DHX16: variants seen among roughly 807,000 people sequenced by gnomAD.
DHX16 encodes the protein pre-mRNA-splicing factor ATP-dependent RNA helicase DHX16.
DHX16 carries 81 observed loss-of-function variants against 131.2 expected under a neutral mutation model. The observed-to-expected ratio is 0.62, with a 90% confidence interval of 0.52 to 0.74. The LOEUF (loss-of-function observed/expected upper bound fraction) is 0.74, where lower values mean the gene tolerates loss of function less well. Ranked by LOEUF, DHX16 falls within the 30% of genes least tolerant of loss-of-function variation. DHX16 has a pLI of 0.00. For missense variants in DHX16, 980 were observed against 1,363.1 expected (o/e 0.72, Z 4.43); for synonymous variants, 440 against 520.2 (o/e 0.85, Z 2.10).
intron 4 of DHX16, among the ~76,000 whole-genome samples, chr6:30,669,230 T>G (rs1484784693): frequency 6.6e-6 from 1 of 152,078 alleles, no homozygotes; most frequent in Non-Finnish European, 1.5e-5. Context: ...AAGACCATCC[T>G]GGCCAACATG....
chr6:30,654,981 G>A (rs1767833030), intron 18 of DHX16, 102 bp from the exon 19 acceptor site: 2 of 1,428,722 alleles, frequency 1.4e-6, no homozygotes, highest in African/African-American at 1.4e-5. Context: ...AACTAGAGAG[G>A]TAAGGAATGC....
At chr6:30,663,993 C>T (rs1347061227) in intron 7 of DHX16, among the ~76,000 whole-genome samples, 1 of 151,850 alleles carries the variant, frequency 6.6e-6, no homozygotes, top group Admixed American at 6.6e-5. Context: ...CCACTGCACT[C>T]CAGCCTGGTG....
Position 30,656,806 on chromosome 6 carries a change from A to G in DHX16, c.2149-47T>C. 1 of 1,608,316 alleles carries G rather than the reference A, an allele frequency of 6.2e-7. No homozygotes were observed. Reference sequence around the variant, plus strand: ...CTGGCTGACAATTTGGTCAGGGAAAAGAAAAAGGCAGTATTTATGCAAGAA... The same window carrying G: ...CTGGCTGACAATTTGGTCAGGGAAAGGAAAAAGGCAGTATTTATGCAAGAA... On this transcript the variant is annotated intron_variant, in intron 13 of 19. Transcript: ENST00000376442. This position sits in a 1 kb window ranked among gnomAD's most constrained non-coding sequence, Gnocchi z 5.1.
In DHX16 at chr6:30,663,027, T is replaced by A. The variant is rs1262422559; in HGVS notation, c.1318-6A>T. On this transcript the variant is annotated splice_region_variant and splice_polypyrimidine_tract_variant and intron_variant, in intron 7 of 19. Coordinates refer to ENST00000376442, the MANE Select transcript of DHX16 (RefSeq NM_003587.5). ...ATACCCTTGTTTGTATAACCCTGAA[T>A]GACAAAGAAAAAAGAAGAAGTTTGC... 6.3e-7 allele frequency: 1 copy of A among 1,597,850 alleles called. No homozygotes were observed. The highest frequency in any genetic ancestry group is 1.8e-5 in the Admixed American group (1 of 55,898).
intron 9 of DHX16, chr6:30,661,719 C>CTA: frequency 1.4e-6 from 1 of 715,922 alleles, no homozygotes; most frequent in Non-Finnish European, 2.6e-6. Context: ...CCATCTTCCC[C>CTA]TACCCACCTC....
chr6:30,667,064 T>A (rs992349716), intron 4 of DHX16, among the ~76,000 whole-genome samples: 1 of 152,044 alleles, frequency 6.6e-6, no homozygotes, highest in Admixed American at 6.6e-5. Context: ...TAAAAATTCA[T>A]GAGTCCAATT....
chr6:30,667,230 A>G (rs1033508522), intron 4 of DHX16, among the ~76,000 whole-genome samples: 5 of 152,150 alleles, frequency 3.3e-5, no homozygotes, highest in Non-Finnish European at 5.9e-5. Context: ...GTTGAGGAAA[A>G]GCTCTTCTTT....
intron 1 of DHX16, 87 bp downstream of exon 1, chr6:30,672,548 G>A (rs551736965): frequency 8.1e-7 from 1 of 1,229,830 alleles, no homozygotes; most frequent in East Asian, 2.4e-5. Flanking sequence ...AAGTGCTTGT[G>A]AACTGAGCTT....
chr6:30,656,843 T>G lies in DHX16; in HGVS notation c.2149-84A>C. On this transcript the variant is annotated intron_variant, in intron 13 of 19. Transcript: ENST00000376442. The surrounding 1 kb of genome is among the most constrained non-coding windows in gnomAD (Gnocchi z 5.1). ...TATTTATGCAAGAAATCTGGAAGGA[T>G]GCAAACTGCTCATCCCGGTTCCCTA... 4 of 1,596,672 alleles carry G rather than the reference T, an allele frequency of 2.5e-6. No individual in the cohort carries two copies. In the Admixed American group the frequency reaches 6.8e-5, roughly 27 times the overall value.
Position 30,659,642 on chromosome 6 carries a change from A to G in DHX16, c.1855-18T>C, listed in dbSNP as rs926566903. 8 of 1,613,820 alleles carry G rather than the reference A, an allele frequency of 5.0e-6. No homozygotes were observed. Among genetic ancestry groups the G allele is most frequent in the Non-Finnish European group, 5.9e-6 (7 of 1,179,904 alleles). ...ATCTCCTCCTGGATAGAGGGTAGGG[A>G]GAGCAGCAGGGGTCCCAGAGTCACA... On this transcript the variant is annotated intron_variant, in intron 11 of 19. Coordinates refer to ENST00000376442, the MANE Select transcript of DHX16 (RefSeq NM_003587.5).
chr6:30,664,798 T>C lies in DHX16; in HGVS notation c.1317+3A>G, dbSNP rs1768855764. On this transcript the variant is annotated splice_donor_region_variant and intron_variant, in intron 7 of 19. Coordinates refer to ENST00000376442, the MANE Select transcript of DHX16 (RefSeq NM_003587.5). ...GGCAAGCTGAAGGGTGAGATGACTG[T>C]ACCTCCTCAAAGAGATACTGCGGGA... 1 of 1,609,638 alleles carries C rather than the reference T, an allele frequency of 6.2e-7. No homozygotes were observed. The highest frequency in any genetic ancestry group is 8.5e-7 in the Non-Finnish European group (1 of 1,177,152).
Position 30,655,290 on chromosome 6 carries a change from A to G in DHX16, c.2708T>C (p.Val903Ala), listed in dbSNP as rs1767876780. Reference protein sequence around the residue: ...YSSQWCYENFVQFRSMRRARD... With the variant: ...YSSQWCYENFAQFRSMRRARD... ...GGCTCGGCGCATCGATCTGAACTGTACAAAGTTCTCATAGCACCACTGGGA... is the reference window on the plus strand; with the variant it reads ...GGCTCGGCGCATCGATCTGAACTGTGCAAAGTTCTCATAGCACCACTGGGA... Residue 903 changes from valine (V) to alanine (A), a missense_variant, in exon 18 of 20, where the codon GTA (valine) becomes GCA (alanine). By Grantham distance (64) the Val-to-Ala change is moderately conservative. Coordinates refer to ENST00000376442, the MANE Select transcript of DHX16 (RefSeq NM_003587.5). 3.7e-6 allele frequency: 6 copies of G among 1,614,170 alleles called. No individual in the cohort carries two copies. The East Asian group carries it at 1.3e-4, about 36-fold the overall frequency.
Position 30,670,648 on chromosome 6 carries a change from G to C in DHX16, c.609+142C>G. The C allele has an allele frequency of 7.8e-7, 1 of 1,288,594 alleles. No individual in the cohort carries two copies. The highest frequency in any genetic ancestry group is 1.1e-6 in the Non-Finnish European group (1 of 924,034). 79.8% of individuals were successfully genotyped at this position (1,288,594 alleles called of 1,614,324 possible). On this transcript the variant is annotated intron_variant, in intron 3 of 19. Transcript: ENST00000376442. This position sits in a 1 kb window ranked among gnomAD's most constrained non-coding sequence, Gnocchi z 4.4. ...AGTTGTCTTAGCCACAGGATGCACA[G>C]GGCTTCTCTCACCACAGAGGTGAAC...
At chr6:30,653,663 T>G (rs932156624) in intron 19 of DHX16, among the ~76,000 whole-genome samples, 2 of 17,670 alleles carry the variant, frequency 1.1e-4, no homozygotes. Flanking sequence ...TGAGCCACTA[T>G]GCCCAGCCCC....
At position 30,664,820 on chromosome 6, in the gene DHX16, G is replaced by A. The variant is rs200865497; in HGVS notation, c.1298C>T (p.Pro433Leu). 6.8e-6 allele frequency: 11 copies of A among 1,612,742 alleles called. No homozygotes were observed. The highest frequency in any genetic ancestry group is 2.2e-5 in the East Asian group (1 of 44,886). Reference sequence around the variant, plus strand: ...CTGTACCTCCTCAAAGAGATACTGCGGGATCTGGGTGGTCTTCCCTGAGCC... The same window carrying A: ...CTGTACCTCCTCAAAGAGATACTGCAGGATCTGGGTGGTCTTCCCTGAGCC... Reference protein sequence around the residue: ...ETGSGKTTQIPQYLFEEGYTN... With the variant: ...ETGSGKTTQILQYLFEEGYTN... Residue 433 changes from proline to leucine, a missense_variant, in exon 7 of 20, where the codon CCG (proline) becomes CTG (leucine). This residue lies in a region of DHX16 where 309 missense variants were observed against 537.1 expected (regional missense o/e 0.58). Coordinates refer to ENST00000376442, the MANE Select transcript of DHX16 (RefSeq NM_003587.5).
chr6:30,653,198 A>G lies in DHX16; in HGVS notation c.*44T>C, dbSNP rs966671810. On this transcript the variant is annotated 3_prime_UTR_variant, in exon 20 of 20. Coordinates refer to ENST00000376442, the MANE Select transcript of DHX16 (RefSeq NM_003587.5). ...ATTTAATAGGTATTAAATAATGTAT[A>G]GAAGGAAAAGGAGCTGGTGTCAGGT... is the stretch of plus-strand genomic sequence containing the variant. The G allele has an allele frequency of 1.9e-6, 3 of 1,588,814 alleles. No homozygotes were observed. Among genetic ancestry groups the G allele is most frequent in the Non-Finnish European group, 8.5e-7 (1 of 1,172,142 alleles).
chr6:30,653,813 T>C (rs1767693933), intron 19 of DHX16, among the ~76,000 whole-genome samples: 1 of 152,182 alleles, frequency 6.6e-6, no homozygotes, highest in Non-Finnish European at 1.5e-5. Flanking sequence ...CCAAATAAGC[T>C]ATTCCCAAGA....
At position 30,656,757 on chromosome 6, in the gene DHX16, G is replaced by C. The variant is rs1436522715; in HGVS notation, c.2151C>G (p.Ala717=). The part of the protein sequence containing the change: ...ESLTVTPCSK[A]SANQRAGRAG... ...CCCTGCCAGCTCGCTGATTGGCTGA[G>C]GCCTGGAAAGAAAGGGGAACAGGCT... The change falls in exon 14 of 20, where the codon GCC becomes GCG. Residue 717 remains alanine (A), a splice_region_variant and synonymous_variant. Transcript: ENST00000376442. The surrounding 1 kb of genome is among the most constrained non-coding windows in gnomAD (Gnocchi z 5.1). 6.2e-7 allele frequency: 1 copy of C among 1,611,912 alleles called. No individual in the cohort carries two copies.
chr6:30,657,030 C>T lies in DHX16; in HGVS notation c.2070G>A (p.Leu690=). The change falls in exon 13 of 20, where the codon CTG becomes CTA. Residue 690 remains leucine, a synonymous_variant. Transcript: ENST00000376442. ...TCTTCTGCTTACAGAACCCTGGATC[C>T]AGCACATAAATGATGCCCTCAATGG... The part of the protein sequence containing the change: ...SLTIEGIIYV[L]DPGFCKQKSY... 1 of 1,613,068 alleles carries T rather than the reference C, an allele frequency of 6.2e-7. No individual in the cohort carries two copies. Among genetic ancestry groups the T allele is most frequent in the Non-Finnish European group, 8.5e-7 (1 of 1,180,018 alleles).
Sources: gnomAD v4.1 joint callset for allele counts (sites outside exome capture counted in the v4.1 genomes callset) on GRCh38, gnomAD v4.1.1 for gene constraint, gnomAD v4.1.1 regional missense constraint, Gnocchi (gnomAD v3.1) non-coding constraint, MANE v1.5 for transcripts, NCBI Gene and HGNC (gene_info 2026-07-23, HGNC 2026-07-21) for gene names.